The following KHDRBS2 variants were observed in gnomAD, a reference collection of about 807,000 sequenced individuals.
KHDRBS2 encodes KH RNA binding domain containing, signal transduction associated 2.
KHDRBS2 carries 26 observed loss-of-function variants against 44.3 expected under a neutral mutation model. The ratio of observed to expected loss-of-function variants is 0.59; its 90% CI spans 0.43 to 0.81. KHDRBS2 has a LOEUF of 0.81. Ranked by LOEUF, KHDRBS2 falls within the 40% of genes least tolerant of loss-of-function variation. The pLI is 0.00. For synonymous variants in KHDRBS2, 194 were observed against 151.1 expected (o/e 1.28, Z -2.08); for missense variants, 476 against 433.1 (o/e 1.10, Z -0.88).
At chr6:62,248,898 A>G (rs537739346) in intron 1 of KHDRBS2, among the ~76,000 whole-genome samples, 1 of 152,276 alleles carries the variant, frequency 6.6e-6, no homozygotes, top group East Asian at 1.9e-4. Flanking sequence ...TCGAAAGACA[A>G]TGAGGGCATT....
chr6:61,588,613 G>A, the KHDRBS2 span, among the ~76,000 whole-genome samples: 1 of 152,052 alleles, frequency 6.6e-6, no homozygotes, highest in Admixed American at 6.6e-5. Context: ...TGAGACCCTT[G>A]TCTCTACAAA....
At chr6:61,975,756 A>C (rs16868281) in intron 4 of KHDRBS2, among the ~76,000 whole-genome samples, 9,209 of 152,138 alleles carry the variant, frequency 0.061, 344 homozygotes, top group East Asian at 0.16. Flanking sequence ...ATAATGGAAC[A>C]ATGAATTATA....
At chr6:61,871,428 C>T (rs1444251020) in intron 6 of KHDRBS2, among the ~76,000 whole-genome samples, 1 of 152,184 alleles carries the variant, frequency 6.6e-6, no homozygotes, top group African/African-American at 2.4e-5. Context: ...AGTTGGAAAA[C>T]AACCTTCAGG....
the KHDRBS2 span, among the ~76,000 whole-genome samples, chr6:61,549,308 A>G: frequency 6.6e-6 from 1 of 152,178 alleles, no homozygotes; most frequent in Non-Finnish European, 1.5e-5. Context: ...TGTTTCAAAC[A>G]CATTTGGTCT....
chr6:62,175,526 C>A (rs184709351), intron 2 of KHDRBS2, among the ~76,000 whole-genome samples: 1 of 151,378 alleles, frequency 6.6e-6, no homozygotes, highest in South Asian at 2.1e-4. Context: ...TGACCTTGAG[C>A]AATTCATACT....
chr6:62,064,224 C>G (rs918293195), intron 2 of KHDRBS2, among the ~76,000 whole-genome samples: 6 of 140,756 alleles, frequency 4.3e-5, no homozygotes, highest in Non-Finnish European at 7.8e-5. Context: ...TTTACAGATT[C>G]AATGCCATCC....
intron 4 of KHDRBS2, among the ~76,000 whole-genome samples, chr6:61,975,179 C>G (rs1215323181): frequency 6.6e-6 from 1 of 152,024 alleles, no homozygotes; most frequent in Non-Finnish European, 1.5e-5. Flanking sequence ...CTTGGACATA[C>G]AGCAGGTTGA....
the KHDRBS2 span, among the ~76,000 whole-genome samples, chr6:61,606,204 C>T: frequency 6.6e-6 from 1 of 152,182 alleles, no homozygotes; most frequent in Admixed American, 6.6e-5. Flanking sequence ...TGCCTGCACC[C>T]AGGTGATTAA....
At chr6:62,165,288 A>C (rs1224754983) in intron 2 of KHDRBS2, among the ~76,000 whole-genome samples, 1 of 147,058 alleles carries the variant, frequency 6.8e-6, no homozygotes, top group Non-Finnish European at 1.5e-5. Context: ...TTGGCGCTTA[A>C]TTTTAATTAG....
intron 2 of KHDRBS2, among the ~76,000 whole-genome samples, chr6:62,072,499 T>C (rs1795377579): frequency 6.6e-6 from 1 of 152,192 alleles, no homozygotes; most frequent in Admixed American, 6.6e-5. Flanking sequence ...GCTCTTATTA[T>C]TTTGAGATAC....
At chr6:61,833,957 T>A (rs1762097776) in intron 6 of KHDRBS2, among the ~76,000 whole-genome samples, 1 of 152,108 alleles carries the variant, frequency 6.6e-6, no homozygotes, top group Admixed American at 6.6e-5. Flanking sequence ...ACAGCCAGAA[T>A]TAGACTGAAG....
intron 1 of KHDRBS2, among the ~76,000 whole-genome samples, chr6:62,181,732 C>G (rs1822350756): frequency 6.6e-6 from 1 of 151,858 alleles, no homozygotes; most frequent in South Asian, 2.1e-4. Flanking sequence ...TCCAAGATGA[C>G]AGTATTAAAA....
chr6:62,047,928 C>G lies in KHDRBS2; in HGVS notation c.286G>C (p.Gly96Arg). The part of the protein sequence containing the change: ...NSLKRLQEET[G>R]AKMSILGKGS... ...TTGCCCAGGATAGACATTTTAGCAC[C>G]TGTTTCTTCCTGTAGCCTCTTCAAG... The change falls in exon 3 of 9, where the codon GGT (glycine) becomes CGT (arginine). Residue 96 changes from glycine (G) to arginine (R), a missense_variant. Gly to Arg is a moderately radical substitution (Grantham distance 125). Coordinates refer to ENST00000281156, the MANE Select transcript of KHDRBS2 (RefSeq NM_152688.4). The G allele has an allele frequency of 3.1e-6, 5 of 1,612,218 alleles. No individual in the cohort carries two copies. The highest frequency in any genetic ancestry group is 4.2e-6 in the Non-Finnish European group (5 of 1,178,708).
chr6:61,697,357 A>T, intron 7 of KHDRBS2, 104 bp from the exon 8 acceptor site: 1 of 739,718 alleles, frequency 1.4e-6, no homozygotes, highest in East Asian at 2.6e-5. Flanking sequence ...GTAATATTCC[A>T]GGAACTTCAA....
At chr6:61,877,136 T>C (rs1341721554) in intron 6 of KHDRBS2, among the ~76,000 whole-genome samples, 1 of 151,992 alleles carries the variant, frequency 6.6e-6, no homozygotes. Context: ...CCACAGAGCT[T>C]AAAATATTTA....
intron 2 of KHDRBS2, among the ~76,000 whole-genome samples, chr6:62,057,660 C>G (rs1335658085): frequency 6.6e-6 from 1 of 151,928 alleles, no homozygotes; most frequent in Admixed American, 6.6e-5. Flanking sequence ...AATTTAGTAA[C>G]TTAGAAATGT....
chr6:61,892,810 C>T (rs1802159894), intron 6 of KHDRBS2, among the ~76,000 whole-genome samples: 1 of 152,140 alleles, frequency 6.6e-6, no homozygotes, highest in South Asian at 2.1e-4. Flanking sequence ...TAGAAGAAAA[C>T]CTAGGCATTA....
the KHDRBS2 span, among the ~76,000 whole-genome samples, chr6:61,624,948 C>T: frequency 3.3e-5 from 5 of 152,092 alleles, no homozygotes; most frequent in African/African-American, 1.2e-4. Flanking sequence ...GATAGAGCTG[C>T]TCCTGGGAGT....
In KHDRBS2 at chr6:62,060,828, G is replaced by A. The variant is rs548890529; in HGVS notation, c.220-12834C>T. 6.6e-5 allele frequency among the ~76,000 whole-genome samples: 10 copies of A among 151,862 alleles called. No homozygotes were observed. The East Asian group carries it at 1.8e-3, about 27-fold the overall frequency. ...ATTTATACTAAGTAGAAAAATGTGG[G>A]TCCTTTCAAATCTGTTGATTAGATA... On this transcript the variant is annotated intron_variant, in intron 2 of 8. Coordinates refer to ENST00000281156, the MANE Select transcript of KHDRBS2 (RefSeq NM_152688.4).
Sources: gnomAD v4.1 joint callset for allele counts (sites outside exome capture counted in the v4.1 genomes callset) on GRCh38, gnomAD v4.1.1 for gene constraint, MANE v1.5 for transcripts, NCBI Gene and HGNC (gene_info 2026-07-23, HGNC 2026-07-21) for gene names.